UBE2E2: variants seen among roughly 807,000 people sequenced by gnomAD.
UBE2E2 encodes the protein ubiquitin-conjugating enzyme E2 E2.
In UBE2E2, 6 loss-of-function variants were observed where a neutral mutation model predicts 24.7. The ratio of observed to expected loss-of-function variants is 0.24; its 90% CI spans 0.13 to 0.48. The LOEUF is 0.48. UBE2E2 is among the 20% of genes least tolerant of loss of function. UBE2E2 has a pLI of 0.99. For synonymous variants in UBE2E2, 104 were observed against 83.6 expected, an observed-to-expected ratio of 1.24 and a Z score of -1.33; for missense variants, 169 against 245.0, an observed-to-expected ratio of 0.69 and a Z score of 2.07.
intron 4 of UBE2E2, among the ~76,000 whole-genome samples, chr3:23,504,510 A>G (rs1694384783): frequency 6.6e-6 from 1 of 152,166 alleles, no homozygotes; most frequent in South Asian, 2.1e-4. Flanking sequence ...GTAACGATTG[A>G]CAAATCGTGC....
intron 3 of UBE2E2, among the ~76,000 whole-genome samples, chr3:23,231,923 G>C (rs987646952): frequency 1.3e-5 from 2 of 152,190 alleles, no homozygotes; most frequent in African/African-American, 4.8e-5. Context: ...AGTGGAGTAT[G>C]CTACCCTCCT....
At chr3:23,539,886 TG>T (rs1272967656) in intron 5 of UBE2E2, among the ~76,000 whole-genome samples, 1 of 152,146 alleles carries the variant, frequency 6.6e-6, no homozygotes, top group Non-Finnish European at 1.5e-5. Context: ...TTAGGTAAAA[TG>T]TGTGAACTAG....
rs1336922491 is a variant in UBE2E2 at position 23,474,790 on chromosome 3, G to C, written c.228-24818G>C. On this transcript the variant is annotated intron_variant, in intron 3 of 5. Coordinates refer to ENST00000396703, the MANE Select transcript of UBE2E2 (RefSeq NM_152653.4). The surrounding 1 kb of genome is among the most constrained non-coding windows in gnomAD (Gnocchi z 4.0). ...AAAAGGTGTCAGTGCTTCTGTCTGT[G>C]GTTTAATCCTCCTTCCTGTTTGGAC... Among the ~76,000 whole-genome samples, 1 of 151,958 alleles carries C rather than the reference G, an allele frequency of 6.6e-6. No homozygotes were observed. The highest frequency in any genetic ancestry group is 2.4e-5 in the African/African-American group (1 of 41,272).
rs181415870 is a variant in UBE2E2 at position 23,353,512 on chromosome 3, T to C, written c.227+136200T>C. On this transcript the variant is annotated intron_variant, in intron 3 of 5. Transcript: ENST00000396703. ...CCATCGTGTCAGCCCAAAATCTCCTTAAGCTGATAAGCAACTTCAGCAAAG... is the reference window on the plus strand; with the variant it reads ...CCATCGTGTCAGCCCAAAATCTCCTCAAGCTGATAAGCAACTTCAGCAAAG... Among the ~76,000 whole-genome samples, 296 of 152,324 alleles carry C rather than the reference T, an allele frequency of 1.9e-3. 1 individual carries two copies. Among genetic ancestry groups the C allele is most frequent in the African/African-American group, 7.0e-3 (290 of 41,562 alleles).
At chr3:23,256,925 C>T (rs1178797271) in intron 3 of UBE2E2, among the ~76,000 whole-genome samples, 1 of 152,196 alleles carries the variant, frequency 6.6e-6, no homozygotes, top group Non-Finnish European at 1.5e-5. Context: ...TCTTCCTAAC[C>T]TGCCTGCATG....
intron 3 of UBE2E2, among the ~76,000 whole-genome samples, chr3:23,298,159 G>A (rs1266915778): frequency 2.6e-5 from 4 of 152,200 alleles, no homozygotes; most frequent in Admixed American, 2.0e-4. Context: ...CTTTGCTGAA[G>A]TTGCTTATCA....
chr3:23,203,393 C>G lies in UBE2E2; in HGVS notation c.-80C>G, dbSNP rs1038349466. On this transcript the variant is annotated 5_prime_UTR_variant, in exon 1 of 6. Transcript: ENST00000396703. ...CTGGGGCCTCCCCAGTCTCCCTCCC[C>G]CTCGCGCCTGGGCAGCTCTCTCCCA... 1 of 985,686 alleles carries G rather than the reference C, an allele frequency of 1.0e-6. No individual in the cohort carries two copies. Among genetic ancestry groups the G allele is most frequent in the Middle Eastern group, 5.2e-4 (1 of 1,918 alleles). The allele number at this position is 985,686 out of a possible 1,614,324, so 61.1% of individuals were successfully genotyped here. A position where few individuals can be genotyped will look rare whatever the true frequency, so the allele number is the denominator to read the frequency against.
intron 3 of UBE2E2, among the ~76,000 whole-genome samples, chr3:23,328,607 A>G (rs1351753929): frequency 6.6e-6 from 1 of 151,240 alleles, no homozygotes; most frequent in Non-Finnish European, 1.5e-5. Context: ...ACACCATTGT[A>G]AGTTTAGTCA....
chr3:23,436,589 G>C (rs990280705), intron 3 of UBE2E2, among the ~76,000 whole-genome samples: 1 of 149,980 alleles, frequency 6.7e-6, no homozygotes, highest in African/African-American at 2.5e-5. Context: ...TATTCTCAAA[G>C]CTGCAGTGAG....
At chr3:23,262,318 T>C (rs1013959768) in intron 3 of UBE2E2, among the ~76,000 whole-genome samples, 3 of 152,222 alleles carry the variant, frequency 2.0e-5, no homozygotes, top group African/African-American at 7.2e-5. Context: ...TCGTGGTCTT[T>C]TTTTCAGGCT....
chr3:23,582,962 G>T (rs1559429484), intron 5 of UBE2E2, among the ~76,000 whole-genome samples: 1 of 151,378 alleles, frequency 6.6e-6, no homozygotes, highest in African/African-American at 2.4e-5. Context: ...TTTTGTTTTT[G>T]TCGTAGTTGC....
chr3:23,264,809 T>C (rs1015418225), intron 3 of UBE2E2, among the ~76,000 whole-genome samples: 8 of 152,232 alleles, frequency 5.3e-5, no homozygotes, highest in African/African-American at 1.9e-4. Flanking sequence ...AACATTGTAG[T>C]AATTGTATTC....
intron 3 of UBE2E2, among the ~76,000 whole-genome samples, chr3:23,421,236 A>C (rs1196446063): frequency 6.6e-6 from 1 of 152,206 alleles, no homozygotes; most frequent in Admixed American, 6.5e-5. Context: ...GTAGGCATTA[A>C]ACTCTACATA....
chr3:23,219,912 C>G (rs1696579088), intron 3 of UBE2E2, among the ~76,000 whole-genome samples: 1 of 152,076 alleles, frequency 6.6e-6, no homozygotes, highest in South Asian at 2.1e-4. Flanking sequence ...GTGGTTTATC[C>G]TATTTTCGGG....
intron 3 of UBE2E2, among the ~76,000 whole-genome samples, chr3:23,430,235 T>C (rs1698027025): frequency 6.6e-6 from 1 of 152,226 alleles, no homozygotes; most frequent in African/African-American, 2.4e-5. Context: ...CAGCTTATTC[T>C]ATAATCGACA....
In UBE2E2 at chr3:23,589,687, C is replaced by T; in HGVS notation, c.509-47C>T. ...TGCCAGCTTTCTGAACACTTCTTCC[C>T]CCACAGTGCTGGTATTTACTGACTC... On this transcript the variant is annotated intron_variant, in intron 5 of 5. Coordinates refer to ENST00000396703, the MANE Select transcript of UBE2E2 (RefSeq NM_152653.4). This position sits in a 1 kb window ranked among gnomAD's most constrained non-coding sequence, Gnocchi z 4.1. 1 of 1,594,970 alleles carries T rather than the reference C, an allele frequency of 6.3e-7. No individual in the cohort carries two copies. The highest frequency in any genetic ancestry group is 8.6e-7 in the Non-Finnish European group (1 of 1,163,968).
intron 1 of UBE2E2, among the ~76,000 whole-genome samples, chr3:23,204,442 G>A (rs1159282521): frequency 6.6e-6 from 1 of 152,112 alleles, no homozygotes; most frequent in Non-Finnish European, 1.5e-5. Context: ...AAGTGCTAGG[G>A]TTTACCCTCA....
chr3:23,283,389 A>G (rs2125373085), intron 3 of UBE2E2, among the ~76,000 whole-genome samples: 1 of 152,242 alleles, frequency 6.6e-6, no homozygotes, highest in South Asian at 2.1e-4. Flanking sequence ...ATTGTGTGAG[A>G]TCAAAACAAA....
intron 3 of UBE2E2, among the ~76,000 whole-genome samples, chr3:23,411,291 G>C (rs1422575098): frequency 6.6e-6 from 1 of 152,158 alleles, no homozygotes; most frequent in Non-Finnish European, 1.5e-5. Context: ...TTGCGGTTGG[G>C]AAGATTGGAC....
Sources: gnomAD v4.1 joint callset for allele counts (sites outside exome capture counted in the v4.1 genomes callset) on GRCh38, gnomAD v4.1.1 for gene constraint, Gnocchi (gnomAD v3.1) non-coding constraint, MANE v1.5 for transcripts, NCBI Gene and HGNC (gene_info 2026-07-23, HGNC 2026-07-21) for gene names.